The following LY75 variants were observed in gnomAD, a reference collection of about 807,000 sequenced individuals.
LY75 encodes the protein C-type lectin domain family 13 member B.
Under a neutral mutation model 231.7 loss-of-function variants are expected in LY75, and 185 were observed. The observed-to-expected ratio is 0.80, with a 90% CI of 0.71 to 0.90. The LOEUF (loss-of-function observed/expected upper bound fraction) is 0.90, where lower values mean the gene tolerates loss of function less well. Ranked by LOEUF, LY75 falls within the 40% of genes least tolerant of loss-of-function variation. The probability of loss-of-function intolerance (pLI) is 0.00; values close to 1 mark genes in which losing one functional copy is unlikely to be tolerated. For missense variants in LY75, 1,947 were observed against 2,050.2 expected (o/e 0.95, Z 0.97); for synonymous variants, 668 against 689.0 (o/e 0.97, Z 0.48).
At chr2:159,865,250 G>A (rs1339486073) in intron 13 of LY75, among the ~76,000 whole-genome samples, 2 of 152,042 alleles carry the variant, frequency 1.3e-5, no homozygotes, top group African/African-American at 2.4e-5. Context: ...GGCAACAATG[G>A]CATTTCTTTA....
At chr2:159,819,575 G>A (rs542572332) in intron 29 of LY75, 151 bp downstream of exon 29, 61 of 905,770 alleles carry the variant, frequency 6.7e-5, no homozygotes, top group Middle Eastern at 3.7e-4. Flanking sequence ...AGCAGGGCCC[G>A]TATCTTTTCC....
intron 30 of LY75, among the ~76,000 whole-genome samples, chr2:159,815,854 C>G (rs2114631): frequency 9.2e-5 from 14 of 151,894 alleles, no homozygotes; most frequent in Non-Finnish European, 1.6e-4. Context: ...ATGTGACACT[C>G]GAAATTAAAC....
rs532175028 is a variant in LY75 at position 159,889,751 on chromosome 2, C to T, written c.802+462G>A. Among the ~76,000 whole-genome samples, 311 of 152,250 alleles carry T rather than the reference C, an allele frequency of 2.0e-3. 1 individual carries two copies. The highest frequency in any genetic ancestry group is 3.4e-3 in the Non-Finnish European group (234 of 68,006). On this transcript the variant is annotated intron_variant, in intron 4 of 34. Transcript: ENST00000263636. The stretch of plus-strand genomic sequence containing the variant: ...AAACAAAGTCCTACCCATTCTGTGT[C>T]CATGTTATTAAATCCACTTTAAGAT...
intron 7 of LY75, 90 bp downstream of exon 7, chr2:159,882,034 T>C: frequency 6.9e-7 from 1 of 1,451,352 alleles, no homozygotes; most frequent in Non-Finnish European, 9.3e-7. Context: ...GGGATCAAAC[T>C]GTAAGCTTTT....
intron 4 of LY75, among the ~76,000 whole-genome samples, chr2:159,889,712 C>T (rs1685695569): frequency 6.6e-6 from 1 of 151,968 alleles, no homozygotes; most frequent in African/African-American, 2.4e-5. Context: ...CACTACCATC[C>T]CCCAAACAAA....
At chr2:159,892,634 C>G (rs1358598439) in intron 3 of LY75, among the ~76,000 whole-genome samples, 2 of 152,138 alleles carry the variant, frequency 1.3e-5, no homozygotes, top group Non-Finnish European at 2.9e-5. Context: ...AACCTATTGT[C>G]CATTAAGTAA....
intron 3 of LY75, among the ~76,000 whole-genome samples, chr2:159,891,183 C>T (rs1685744736): frequency 6.6e-6 from 1 of 152,144 alleles, no homozygotes; most frequent in African/African-American, 2.4e-5. Flanking sequence ...TAGCCAGTTA[C>T]ATATCAGATG....
chr2:159,890,498 G>T (rs929942671), intron 3 of LY75, 121 bp from the exon 4 acceptor site: 4 of 1,342,540 alleles, frequency 3.0e-6, no homozygotes, highest in African/African-American at 3.0e-5. Context: ...AAGGGAGACT[G>T]CCATCACTCA....
chr2:159,817,490 G>A (rs1405260989), intron 29 of LY75, among the ~76,000 whole-genome samples: 3 of 152,182 alleles, frequency 2.0e-5, no homozygotes, highest in Admixed American at 6.5e-5. Flanking sequence ...CCACAATGAC[G>A]AGGTTATTTC....
Position 159,874,914 on chromosome 2 carries a change from A to AAATATATAAACATATATATTTTG in LY75, c.1974+529_1974+530insCAAAATATATATGTTTATATATT, listed in dbSNP as rs1560094388. On this transcript the variant is annotated intron_variant, in intron 12 of 34. Coordinates refer to ENST00000263636, the MANE Select transcript of LY75 (RefSeq NM_002349.4). Reference sequence around the variant, plus strand: ...GTAAATATATAAACATATATATTTTATAAATATATTTATAAATATATATAT... The same window carrying AAATATATAAACATATATATTTTG: ...GTAAATATATAAACATATATATTTTAAATATATAAACATATATATTTTGTAAATATATTTATAAATATATATAT... Among the ~76,000 whole-genome samples, 25 of 126,826 alleles carry AAATATATAAACATATATATTTTG rather than the reference A, an allele frequency of 2.0e-4. 1 individual carries two copies. Among genetic ancestry groups the AAATATATAAACATATATATTTTG allele is most frequent in the East Asian group, 1.3e-3 (6 of 4,538 alleles). The allele number at this position is 126,826 out of a possible 152,430, so 83.2% of individuals were successfully genotyped here. A position where few individuals can be genotyped will look rare whatever the true frequency, so the allele number is the denominator to read the frequency against.
At chr2:159,851,480 C>G (rs1684400699) in intron 21 of LY75, among the ~76,000 whole-genome samples, 1 of 152,108 alleles carries the variant, frequency 6.6e-6, no homozygotes, top group Non-Finnish European at 1.5e-5. Flanking sequence ...GCTCGGAAGC[C>G]TTATATTAAG....
At chr2:159,819,540 T>C (rs1187614748) in intron 29 of LY75, among the ~76,000 whole-genome samples, 186 bp downstream of exon 29, 2 of 152,218 alleles carry the variant, frequency 1.3e-5, no homozygotes, top group African/African-American at 4.8e-5. Context: ...AACTACATTT[T>C]ACTCCTTAGG....
rs1685980313 is a variant in LY75, at chr2:159,898,821, C to G, written c.333G>C (p.Glu111Asp). ...DSSAMLWWKC[E>D]HHSLYGAARY... is the part of the protein sequence containing the mutation. ...GGGCAGCTCCGTACAGAGAGTGGTG[C>G]TCACATTTCCACCACAGCATGGCAC... Residue 111 changes from glutamate (E) to aspartate (D), a missense_variant, in exon 2 of 35, where the codon GAG (glutamate) becomes GAC (aspartate). Glu to Asp is a conservative substitution (Grantham distance 45). Coordinates refer to ENST00000263636, the MANE Select transcript of LY75 (RefSeq NM_002349.4). The G allele has an allele frequency of 1.2e-6, 2 of 1,614,102 alleles. No homozygotes were observed. The highest frequency in any genetic ancestry group is 3.3e-5 in the Admixed American group (2 of 60,012).
chr2:159,902,440 T>A (rs1438141952), intron 1 of LY75: 6 of 152,254 alleles, frequency 3.9e-5, no homozygotes, highest in African/African-American at 1.4e-4. Context: ...GTTTTCTTAT[T>A]GTCTGATCAC....
At chr2:159,847,340 A>AT (rs923146359) in intron 23 of LY75, among the ~76,000 whole-genome samples, 2 of 151,766 alleles carry the variant, frequency 1.3e-5, no homozygotes, top group African/African-American at 2.4e-5. Flanking sequence ...AATTAAAACA[A>AT]TTTTTTTTAG....
At chr2:159,883,158 C>T (rs1428379297) in intron 6 of LY75, among the ~76,000 whole-genome samples, 8 of 148,884 alleles carry the variant, frequency 5.4e-5, no homozygotes, top group Non-Finnish European at 7.4e-5. Flanking sequence ...GGAGGGATAG[C>T]ATTGGGAGAT....
chr2:159,885,291 T>C lies in LY75; in HGVS notation c.916A>G (p.Arg306Gly). 1.2e-6 allele frequency: 2 copies of C among 1,612,654 alleles called. No homozygotes were observed. Among genetic ancestry groups the C allele is most frequent in the East Asian group, 2.2e-5 (1 of 44,860 alleles). ...PLNFLNWDPD[R>G]PSAPTIGGSS... ...CCACCTATAGTAGGTGCACTGGGCC[T>C]GTCTTAAAAGGGAACATTTTTCAAA... The change falls in exon 6 of 35, where the codon AGG becomes GGG. Residue 306 changes from arginine (R) to glycine (G), a missense_variant and splice_region_variant. Physicochemically the swap from Arg to Gly is moderately radical, Grantham distance 125. Transcript: ENST00000263636.
intron 8 of LY75, among the ~76,000 whole-genome samples, chr2:159,880,071 A>C (rs529563101): frequency 6.6e-6 from 1 of 152,300 alleles, no homozygotes; most frequent in Non-Finnish European, 1.5e-5. Flanking sequence ...TGTCCTTTTA[A>C]ATAGAGCATC....
intron 23 of LY75, among the ~76,000 whole-genome samples, chr2:159,846,557 T>C (rs1305795312): frequency 6.6e-6 from 1 of 151,914 alleles, no homozygotes; most frequent in Non-Finnish European, 1.5e-5. Flanking sequence ...GAAACAAAAC[T>C]AGAAGAAAAT....
Sources: allele counts gnomAD v4.1 joint callset (sites outside exome capture counted in the v4.1 genomes callset), GRCh38; gene constraint gnomAD v4.1.1; transcripts MANE v1.5; gene names NCBI Gene and HGNC (gene_info 2026-07-23, HGNC 2026-07-21).